The following TG variants were observed in gnomAD, a reference collection of about 807,000 sequenced individuals.
TG encodes the protein thyroid hormones.
A neutral mutation model predicts 324.7 loss-of-function variants in TG; 270 were observed. The ratio of observed to expected loss-of-function variants is 0.83; its 90% CI spans 0.75 to 0.92. The LOEUF is 0.92. Ranked by LOEUF, TG falls within the 40% of genes least tolerant of loss-of-function variation. The pLI is 0.00. For synonymous variants in TG, 1,401 were observed against 1,327.0 expected, an observed-to-expected ratio of 1.06 and a Z score of -1.21; for missense variants, 3,591 against 3,456.4, an observed-to-expected ratio of 1.04 and a Z score of -0.98.
At chr8:132,908,103 T>C in intron 17 of TG, 83 bp from the exon 18 acceptor site, 1 of 1,538,014 alleles carries the variant, frequency 6.5e-7, no homozygotes. Context: ...TGAGGAAGGG[T>C]TATTTTTGCA....
Position 132,886,664 on chromosome 8 carries a change from A to G in TG, c.1292A>G (p.Gln431Arg), listed in dbSNP as rs1815466956. 9 of 1,614,210 alleles carry G rather than the reference A, an allele frequency of 5.6e-6. No homozygotes were observed. Among genetic ancestry groups the G allele is most frequent in the Non-Finnish European group, 7.6e-6 (9 of 1,180,046 alleles). ...CGCCCAATGGTGGAGGGACAGAGCC[A>G]ACAGTTTTCTGTCTCAGAAAATCTT... ...LLRPMVEGQS[Q>R]QFSVSENLLK... The change falls in exon 9 of 48, where the codon CAA becomes CGA. Residue 431 changes from glutamine to arginine, a missense_variant. Gln to Arg is a conservative substitution (Grantham distance 43). Transcript: ENST00000220616.
chr8:133,090,892 G>C (rs972827968), intron 41 of TG, among the ~76,000 whole-genome samples: 1 of 152,082 alleles, frequency 6.6e-6, no homozygotes, highest in African/African-American at 2.4e-5. Context: ...GGAACAGAAA[G>C]GAACTGTCTG....
chr8:133,060,220 CG>C, intron 41 of TG: 1 of 1,612,906 alleles, frequency 6.2e-7, no homozygotes, highest in Non-Finnish European at 8.5e-7. Context: ...AGGAGACAGA[CG>C]GGGAAAGTCA....
At chr8:133,030,144 A>C in intron 41 of TG, 121 bp downstream of exon 41, 1 of 1,239,644 alleles carries the variant, frequency 8.1e-7, no homozygotes, top group South Asian at 1.2e-5. Flanking sequence ...CTTTGTCCTG[A>C]GTGTGGATGC....
At chr8:132,929,589 C>T (rs1822390551) in intron 23 of TG, among the ~76,000 whole-genome samples, 1 of 150,496 alleles carries the variant, frequency 6.6e-6, no homozygotes, top group African/African-American at 2.4e-5. Flanking sequence ...ATAAACTGGC[C>T]ATTGCTATCC....
chr8:133,125,165 C>A (rs1254841167), intron 45 of TG, among the ~76,000 whole-genome samples: 1 of 152,242 alleles, frequency 6.6e-6, no homozygotes, highest in African/African-American at 2.4e-5. Context: ...GAGAAACCTG[C>A]AAGGCAGAGA....
chr8:132,872,799 A>G (rs893242969), intron 4 of TG, among the ~76,000 whole-genome samples: 2 of 152,152 alleles, frequency 1.3e-5, no homozygotes, highest in Admixed American at 1.3e-4. Context: ...ACAATTGCCT[A>G]CAGTACTCAT....
intron 35 of TG, chr8:132,989,032 G>A (rs562692427): frequency 5.5e-5 from 19 of 346,908 alleles, no homozygotes; most frequent in Non-Finnish European, 7.7e-5. Context: ...AAGGCAAGGA[G>A]GAACAAGTCA....
chr8:132,951,939 A>T (rs1826165430), intron 27 of TG, among the ~76,000 whole-genome samples: 1 of 152,218 alleles, frequency 6.6e-6, no homozygotes, highest in Non-Finnish European at 1.5e-5. Flanking sequence ...GTACAGGAAC[A>T]GTTGCAGGGG....
At chr8:133,047,529 C>T (rs1361817962) in intron 41 of TG, 5 of 406,708 alleles carry the variant, frequency 1.2e-5, no homozygotes, top group Non-Finnish European at 2.3e-5. Context: ...GCACAGCATG[C>T]TGCCTACACA....
intron 37 of TG, among the ~76,000 whole-genome samples, chr8:133,016,067 T>TA (rs1316289561): frequency 6.6e-6 from 1 of 152,200 alleles, no homozygotes; most frequent in East Asian, 1.9e-4. Flanking sequence ...CAGGTGTTAT[T>TA]ATTTATTCCT....
chr8:133,080,308 ACT>A (rs1242866719), intron 41 of TG, among the ~76,000 whole-genome samples: 14 of 152,078 alleles, frequency 9.2e-5, no homozygotes, highest in Non-Finnish European at 8.8e-5. Context: ...CTTTCCACTC[ACT>A]CTATGTATCT....
chr8:133,033,340 C>T (rs955963744), intron 41 of TG, among the ~76,000 whole-genome samples: 2 of 152,124 alleles, frequency 1.3e-5, no homozygotes, highest in Non-Finnish European at 2.9e-5. Context: ...GTATTTCACC[C>T]GTCCTGAGGC....
chr8:132,886,612 G>T lies in TG; in HGVS notation c.1240G>T (p.Glu414Ter). The T allele has an allele frequency of 1.2e-6, 2 of 1,614,132 alleles. No homozygotes were observed. Among genetic ancestry groups the T allele is most frequent in the East Asian group, 2.2e-5 (1 of 44,860 alleles). Reference protein sequence around the residue: ...FATSCPPTIKELFVDSGLLRP... With the variant: ...FATSCPPTIK ...CACATCCTGCCCACCCACGATCAAG[G>T]AGCTCTTTGTGGACTCTGGGCTTCT... The change falls in exon 9 of 48, where the codon GAG (glutamate) becomes TAG (stop). Residue 414 changes from glutamate (E) to a stop codon, truncating the protein, a stop_gained. Transcript: ENST00000220616. LOFTEE classifies it high-confidence loss of function.
chr8:132,925,979 G>C (rs59181611), intron 22 of TG, among the ~76,000 whole-genome samples: 13,725 of 152,258 alleles, frequency 0.09, 717 homozygotes, highest in African/African-American at 0.13. Flanking sequence ...CCTCCAGATA[G>C]AGCTTCAGCA....
At chr8:132,993,326 T>C (rs979928595) in intron 35 of TG, among the ~76,000 whole-genome samples, 2 of 152,290 alleles carry the variant, frequency 1.3e-5, no homozygotes, top group African/African-American at 4.8e-5. Context: ...GGATATGAGT[T>C]TGGGCAGCCA....
chr8:132,964,554 T>G, intron 29 of TG: 1 of 249,354 alleles, frequency 4.0e-6, no homozygotes, highest in Non-Finnish European at 7.7e-6. Flanking sequence ...GTTACTCCCA[T>G]CAGTCTGAAT....
chr8:133,022,167 G>T lies in TG; in HGVS notation c.7036+17G>T. 1 of 1,613,782 alleles carries T rather than the reference G, an allele frequency of 6.2e-7. No homozygotes were observed. Among genetic ancestry groups the T allele is most frequent in the African/African-American group, 1.3e-5 (1 of 75,006 alleles). ...TGAGTTCTGGTGAGTTGCTGCCTCTGGTGGGAGCTGCTGACCCCCTGAGCC... is the reference window on the plus strand; with the variant it reads ...TGAGTTCTGGTGAGTTGCTGCCTCTTGTGGGAGCTGCTGACCCCCTGAGCC... On this transcript the variant is annotated intron_variant, in intron 40 of 47. Transcript: ENST00000220616.
intron 41 of TG, among the ~76,000 whole-genome samples, chr8:133,070,619 G>A (rs1215995375): frequency 6.6e-6 from 1 of 152,230 alleles, no homozygotes; most frequent in African/African-American, 2.4e-5. Context: ...TACAAGGCTT[G>A]TTCAGGGCTG....
Sources: gnomAD v4.1 joint callset for allele counts (sites outside exome capture counted in the v4.1 genomes callset) on GRCh38, gnomAD v4.1.1 for gene constraint, MANE v1.5 for transcripts, NCBI Gene and HGNC (gene_info 2026-07-23, HGNC 2026-07-21) for gene names.